CACNA1H: variants seen among roughly 807,000 people sequenced by gnomAD.
The protein encoded by CACNA1H is voltage-dependent T-type calcium channel subunit alpha-1H.
In CACNA1H, 149 loss-of-function variants were observed where a neutral mutation model predicts 192.5. That is an observed-to-expected ratio of 0.77 (90% CI 0.68 to 0.89). CACNA1H has a LOEUF of 0.89. Ranked by LOEUF, CACNA1H falls within the 40% of genes least tolerant of loss-of-function variation. The pLI is 0.00. For missense variants in CACNA1H, 4,257 were observed against 3,423.5 expected (o/e 1.24, Z -6.08); for synonymous variants, 2,202 against 1,475.2 (o/e 1.49, Z -11.29).
intron 2 of CACNA1H, among the ~76,000 whole-genome samples, chr16:1,159,221 T>G (rs1216723043): frequency 6.6e-6 from 1 of 152,186 alleles, no homozygotes; most frequent in Non-Finnish European, 1.5e-5. Flanking sequence ...GAGGCTGGCC[T>G]GAGCCCTGTG....
In CACNA1H at chr16:1,215,249, C is replaced by A. The variant is rs1289055832; in HGVS notation, c.5047C>A (p.Gln1683Lys). 6.2e-7 allele frequency: 1 copy of A among 1,603,408 alleles called. No homozygotes were observed. The highest frequency in any genetic ancestry group is 8.5e-7 in the Non-Finnish European group (1 of 1,175,016). Reference sequence around the variant, plus strand: ...GAGCCTCCGGCCACACAGGTGGAACCAGCTGGACCTGGCCATCGTGCTGCT... The same window carrying A: ...GAGCCTCCGGCCACACAGGTGGAACAAGCTGGACCTGGCCATCGTGCTGCT... Reference protein sequence around the residue: ...FRRFFKDRWNQLDLAIVLLSL... With the variant: ...FRRFFKDRWNKLDLAIVLLSL... The change falls in exon 29 of 35, where the codon CAG becomes AAG. Residue 1683 changes from glutamine (Q) to lysine (K), a missense_variant. Gln to Lys is a moderately conservative substitution (Grantham distance 53, BLOSUM62 1). Transcript: ENST00000348261.
chr16:1,173,631 G>A (rs1964584544), intron 2 of CACNA1H, among the ~76,000 whole-genome samples: 1 of 152,238 alleles, frequency 6.6e-6, no homozygotes, highest in Admixed American at 6.5e-5. Context: ...GTGTTTTGCA[G>A]TTTTGCAAGA....
At chr16:1,168,968 T>G in intron 2 of CACNA1H, among the ~76,000 whole-genome samples, 1 of 152,138 alleles carries the variant, frequency 6.6e-6, no homozygotes, top group Non-Finnish European at 1.5e-5. Flanking sequence ...GGGGTGAGTC[T>G]GCCCACAGTG....
intron 8 of CACNA1H, 150 bp from the exon 9 acceptor site, chr16:1,201,513 G>A: frequency 1.0e-6 from 1 of 963,764 alleles, no homozygotes; most frequent in South Asian, 1.7e-5. Flanking sequence ...GCTCAGCACT[G>A]AACACCGCAG....
rs542738271 is a variant in CACNA1H, at chr16:1,218,519, G to A, written c.5755G>A (p.Val1919Met). The A allele has an allele frequency of 1.3e-6, 2 of 1,554,306 alleles. No individual in the cohort carries two copies. Among genetic ancestry groups the A allele is most frequent in the Non-Finnish European group, 1.7e-6 (2 of 1,149,294 alleles). Residue 1919 changes from valine to methionine, a missense_variant, in exon 33 of 35, where the codon GTG (valine) becomes ATG (methionine). Physicochemically the swap from Val to Met is conservative, Grantham distance 21. Coordinates refer to ENST00000348261, the MANE Select transcript of CACNA1H (RefSeq NM_021098.3). ...CGCCCCAAACCTGGTTGCACGCAAGGTGTCCGTGTCCAGGATGCTCTCGCT... is the reference window on the plus strand; with the variant it reads ...CGCCCCAAACCTGGTTGCACGCAAGATGTCCGTGTCCAGGATGCTCTCGCT... Reference protein sequence around the residue: ...RDAPNLVARKVSVSRMLSLPN... With the variant: ...RDAPNLVARKMSVSRMLSLPN...
rs1226375772 is a variant in CACNA1H, at chr16:1,221,703, G to A, written c.*709G>A. The A allele has an allele frequency of 1.5e-6, 2 of 1,306,522 alleles. No homozygotes were observed. Among genetic ancestry groups the A allele is most frequent in the Admixed American group, 5.5e-5 (2 of 36,230 alleles). 80.9% of individuals were successfully genotyped at this position (1,306,522 alleles called of 1,614,324 possible). A position where few individuals can be genotyped will look rare whatever the true frequency, so the allele number is the denominator to read the frequency against. On this transcript the variant is annotated 3_prime_UTR_variant, in exon 35 of 35. Transcript: ENST00000348261. ...TTAAATGTTGCAATAATCTGATGCA[G>A]AAGACTCAGCTTCTCAAGGGAGAGG...
At chr16:1,182,765 G>A (rs952016269) in intron 2 of CACNA1H, among the ~76,000 whole-genome samples, 13 of 152,240 alleles carry the variant, frequency 8.5e-5, no homozygotes, top group South Asian at 2.1e-4. Flanking sequence ...GCAGCCCCCC[G>A]ACGAGGCTGT....
rs1178551087 is a variant in CACNA1H at position 1,218,980 on chromosome 16, C to T, written c.5898C>T (p.Ala1966=). 21 of 1,550,154 alleles carry T rather than the reference C, an allele frequency of 1.4e-5. No homozygotes were observed. Among genetic ancestry groups the T allele is most frequent in the South Asian group, 3.6e-5 (3 of 84,062 alleles). Residue 1966 remains alanine, a synonymous_variant, in exon 34 of 35, where the codon GCC becomes GCT. Coordinates refer to ENST00000348261, the MANE Select transcript of CACNA1H (RefSeq NM_021098.3). ...TCTTCCCTGCCCCAGGCTCCGTTGC[C>T]TCTGTGCACTCTCCGCCCGCAGAGT... ...YGAGTPLGSV[A]SVHSPPAESC...
Position 1,218,519 on chromosome 16 carries a change from G to T in CACNA1H, c.5755G>T (p.Val1919Leu). 1 of 1,554,306 alleles carries T rather than the reference G, an allele frequency of 6.4e-7. No homozygotes were observed. The highest frequency in any genetic ancestry group is 8.7e-7 in the Non-Finnish European group (1 of 1,149,294). The change falls in exon 33 of 35, where the codon GTG (valine) becomes TTG (leucine). Residue 1919 changes from valine to leucine, a missense_variant. By Grantham distance (32) the Val-to-Leu change is conservative. Coordinates refer to ENST00000348261, the MANE Select transcript of CACNA1H (RefSeq NM_021098.3). ...RDAPNLVARKVSVSRMLSLPN... is the reference protein window; with the variant it reads ...RDAPNLVARKLSVSRMLSLPN... ...CGCCCCAAACCTGGTTGCACGCAAG[G>T]TGTCCGTGTCCAGGATGCTCTCGCT... is the stretch of plus-strand genomic sequence containing the variant.
chr16:1,196,128 A>G, intron 5 of CACNA1H, 105 bp downstream of exon 5: 1 of 899,474 alleles, frequency 1.1e-6, no homozygotes, highest in Non-Finnish European at 1.8e-6. Context: ...TGGGAAATGA[A>G]GGTTACCAGG....
rs779946212 is a variant in CACNA1H, at chr16:1,200,553, C to T, written c.1101C>T (p.Ala367=). 8.1e-6 allele frequency: 13 copies of T among 1,612,174 alleles called. No individual in the cohort carries two copies. The highest frequency in any genetic ancestry group is 1.3e-5 in the African/African-American group (1 of 75,042). ...TCAACTTCGACAACATCGGCTACGC[C>T]TGGATTGCCATCTTCCAGGTGGGCG... ...GAINFDNIGY[A]WIAIFQVITL... Residue 367 remains alanine (A), a synonymous_variant, in exon 7 of 35, where the codon GCC becomes GCT. Transcript: ENST00000348261.
At chr16:1,213,450 C>T (rs917761836) in intron 26 of CACNA1H, among the ~76,000 whole-genome samples, 5 of 152,216 alleles carry the variant, frequency 3.3e-5, no homozygotes, top group Non-Finnish European at 5.9e-5. Flanking sequence ...CATACCCACT[C>T]CTGGGGGCTG....
intron 34 of CACNA1H, 53 bp downstream of exon 34, chr16:1,219,183 AG>A: frequency 1.4e-6 from 2 of 1,458,466 alleles, no homozygotes; most frequent in Non-Finnish European, 1.8e-6. Flanking sequence ...GGGGGCTTGC[AG>A]GGATGCCTCG....
chr16:1,213,851 C>T lies in CACNA1H; in HGVS notation c.4849C>T (p.His1617Tyr), dbSNP rs776165690. The T allele has an allele frequency of 1.4e-5, 22 of 1,608,146 alleles. No individual in the cohort carries two copies. The highest frequency in any genetic ancestry group is 1.7e-5 in the Non-Finnish European group (20 of 1,177,828). The change falls in exon 27 of 35, where the codon CAC (histidine) becomes TAC (tyrosine). Residue 1617 changes from histidine (H) to tyrosine (Y), a missense_variant. His to Tyr is a moderately conservative substitution (Grantham distance 83, BLOSUM62 2). Transcript: ENST00000348261. ...RRSIHSLCTSHYLDLFITFII... is the reference protein window; with the variant it reads ...RRSIHSLCTSYYLDLFITFII... The stretch of plus-strand genomic sequence containing the variant: ...CTCCATTCACTCGCTGTGCACCAGC[C>T]ACTATCTCGACCTCTTCATCACCTT...
chr16:1,212,044 C>G lies in CACNA1H; in HGVS notation c.4665C>G (p.Val1555=), dbSNP rs752944065. Residue 1555 remains valine, a synonymous_variant, in exon 25 of 35, where the codon GTC becomes GTG. Coordinates refer to ENST00000348261, the MANE Select transcript of CACNA1H (RefSeq NM_021098.3). ...TCAACATGTTCGTGGGCGTCGTGGT[C>G]GAGAACTTCCACAAGTGCCGGCAGC... ...FVLNMFVGVV[V]ENFHKCRQHQ... is the part of the protein sequence containing the mutation. The G allele has an allele frequency of 1.7e-5, 27 of 1,613,126 alleles. No individual in the cohort carries two copies. Among genetic ancestry groups the G allele is most frequent in the African/African-American group, 5.3e-5 (4 of 74,916 alleles).
intron 3 of CACNA1H, 87 bp from the exon 4 acceptor site, chr16:1,195,345 G>T (rs1966868241): frequency 6.6e-7 from 1 of 1,511,120 alleles, no homozygotes; most frequent in Non-Finnish European, 8.9e-7. Flanking sequence ...TGGCAAGACT[G>T]GGGGCCGGGC....
In CACNA1H at chr16:1,218,011, A is replaced by G; in HGVS notation, c.5416A>G (p.Thr1806Ala). Reference sequence around the variant, plus strand: ...CTTCCTCACGCTGTTCCGCGTGTCCACGGGGGACAACTGGAACGGGATCAT... The same window carrying G: ...CTTCCTCACGCTGTTCCGCGTGTCCGCGGGGGACAACTGGAACGGGATCAT... ...MAFLTLFRVS[T>A]GDNWNGIMKD... Residue 1806 changes from threonine (T) to alanine (A), a missense_variant, in exon 32 of 35, where the codon ACG (threonine) becomes GCG (alanine). Transcript: ENST00000348261. The G allele has an allele frequency of 6.2e-7, 1 of 1,601,296 alleles. No individual in the cohort carries two copies. Among genetic ancestry groups the G allele is most frequent in the East Asian group, 2.3e-5 (1 of 44,280 alleles).
At chr16:1,159,298 G>A (rs988297589) in intron 2 of CACNA1H, among the ~76,000 whole-genome samples, 6 of 152,330 alleles carry the variant, frequency 3.9e-5, no homozygotes, top group South Asian at 4.1e-4. Context: ...CCATGAGCCC[G>A]GTGGGCACAG....
At chr16:1,154,659 G>A (rs541399664) in intron 2 of CACNA1H, among the ~76,000 whole-genome samples, 128 of 152,296 alleles carry the variant, frequency 8.4e-4, no homozygotes, top group Non-Finnish European at 1.2e-3. Context: ...TGAAGGGTAG[G>A]GGGCAGGGAG....
Sources: allele counts gnomAD v4.1 joint callset (sites outside exome capture counted in the v4.1 genomes callset), GRCh38; gene constraint gnomAD v4.1.1; transcripts MANE v1.5; gene names NCBI Gene and HGNC (gene_info 2026-07-23, HGNC 2026-07-21).